SRMS: variants seen among roughly 807,000 people sequenced by gnomAD.
SRMS encodes the protein src-related kinase lacking C-terminal regulatory tyrosine and N-terminal myristylation sites, also known as tyrosine-protein kinase Srms.
SRMS carries 42 observed loss-of-function variants against 43.5 expected under a neutral mutation model. The ratio of observed to expected loss-of-function variants is 0.97; its 90% CI spans 0.75 to 1.25. The LOEUF is 1.25. Ranked by LOEUF, SRMS falls within the 50% of genes most tolerant of loss-of-function variation. SRMS has a pLI of 0.00. For synonymous variants in SRMS, 316 were observed against 308.2 expected (o/e 1.03, Z -0.27); for missense variants, 703 against 681.0 (o/e 1.03, Z -0.36).
At chr20:63,543,958 G>GATGAATGGATGAATGA (rs2082717494) in intron 2 of SRMS, among the ~76,000 whole-genome samples, 1 of 143,212 alleles carries the variant, frequency 7.0e-6, no homozygotes, top group Admixed American at 7.2e-5. Context: ...GAGTGAATGA[G>GATGAATGGATGAATGA]ATGAATGGAT....
intron 2 of SRMS, 141 bp downstream of exon 2, chr20:63,544,086 G>A (rs1195613476): frequency 2.0e-6 from 2 of 1,011,916 alleles, no homozygotes; most frequent in Non-Finnish European, 2.6e-6. Flanking sequence ...AAGTGCAGGA[G>A]GTGACCAGCA....
rs1555886442 is a variant in SRMS at position 63,538,721 on chromosome 20, T to TGGGGGGGGGGGGGGGGGGGGGG, written c.*2096_*2097insCCCCCCCCCCCCCCCCCCCCCC. On this transcript the variant is annotated 3_prime_UTR_variant, in exon 8 of 8. Transcript: ENST00000217188. ...GTTGGGGAGGATGCAGGGGGAGGGG[T>TGGGGGGGGGGGGGGGGGGGGGG]GGGGGGTGGGGAATGCGGAAGGAGG... is the stretch of plus-strand genomic sequence containing the variant. Among the ~76,000 whole-genome samples the TGGGGGGGGGGGGGGGGGGGGGG allele has an allele frequency of 4.2e-5, 1 of 23,932 alleles. No individual in the cohort carries two copies. Among genetic ancestry groups the TGGGGGGGGGGGGGGGGGGGGGG allele is most frequent in the Non-Finnish European group, 8.4e-5 (1 of 11,908 alleles). The allele number at this position is 23,932 out of a possible 152,430, so 15.7% of individuals were successfully genotyped here. A position where few individuals can be genotyped will look rare whatever the true frequency, so the allele number is the denominator to read the frequency against.
intron 2 of SRMS, 83 bp from the exon 3 acceptor site, chr20:63,543,563 C>T: frequency 6.6e-7 from 1 of 1,507,032 alleles, no homozygotes; most frequent in Non-Finnish European, 9.0e-7. Flanking sequence ...CTGGCCACAA[C>T]CCACTAAGGG....
chr20:63,547,115 C>T lies in SRMS; in HGVS notation c.349G>A (p.Asp117Asn), dbSNP rs2082736146. Residue 117 changes from aspartate (D) to asparagine (N), a missense_variant, in exon 1 of 8, where the codon GAC (aspartate) becomes AAC (asparagine). Asp to Asn is a conservative substitution (Grantham distance 23). Coordinates refer to ENST00000217188, the MANE Select transcript of SRMS (RefSeq NM_080823.4). ...VAKASPETLS[D>N]QPWYFSGVSR... ...CGAGGCCGAGGTACTCACGGTTGGT[C>T]TGAGAGCGTCTCAGGAGAAGCCTTG... 1 of 1,580,936 alleles carries T rather than the reference C, an allele frequency of 6.3e-7. No homozygotes were observed. The highest frequency in any genetic ancestry group is 8.6e-7 in the Non-Finnish European group (1 of 1,160,686).
Position 63,539,291 on chromosome 20 carries a change from G to A in SRMS, c.*1527C>T, listed in dbSNP as rs1005427104. ...GATGCACGGGCCCCAGGAAGCCCCC[G>A]CGCTGCCTCCGTTCTCGGAGCCTCC... On this transcript the variant is annotated 3_prime_UTR_variant, in exon 8 of 8. Coordinates refer to ENST00000217188, the MANE Select transcript of SRMS (RefSeq NM_080823.4). Among the ~76,000 whole-genome samples, 1 of 152,180 alleles carries A rather than the reference G, an allele frequency of 6.6e-6. No individual in the cohort carries two copies. Among genetic ancestry groups the A allele is most frequent in the African/African-American group, 2.4e-5 (1 of 41,430 alleles).
intron 2 of SRMS, 105 bp from the exon 3 acceptor site, chr20:63,543,585 A>T: frequency 7.3e-7 from 1 of 1,375,544 alleles, no homozygotes; most frequent in Non-Finnish European, 9.9e-7. Flanking sequence ...TCTGGCTCAG[A>T]CCTAGCTGGG....
Position 63,541,222 on chromosome 20 carries a change from C to G in SRMS, c.1254G>C (p.Glu418Asp), listed in dbSNP as rs777609424. 3 of 1,564,802 alleles carry G rather than the reference C, an allele frequency of 1.9e-6. No homozygotes were observed. The African/African-American group carries it at 4.1e-5, about 22-fold the overall frequency. The stretch of plus-strand genomic sequence containing the variant: ...AGGGACACTGGCCATAGGTGAAAAC[C>G]TCGTGCAGCAGGACGCCGAAGGACC... ...DVWSFGVLLH[E>D]VFTYGQCPYE... Residue 418 changes from glutamate (E) to aspartate (D), a missense_variant, in exon 7 of 8, where the codon GAG (glutamate) becomes GAC (aspartate). Glu to Asp is a conservative substitution (Grantham distance 45, BLOSUM62 2). Coordinates refer to ENST00000217188, the MANE Select transcript of SRMS (RefSeq NM_080823.4).
chr20:63,545,797 T>G (rs1435529968), intron 1 of SRMS, among the ~76,000 whole-genome samples: 3 of 152,104 alleles, frequency 2.0e-5, no homozygotes, highest in Non-Finnish European at 1.5e-5. Context: ...TTCTGGGGTC[T>G]GCTGGCAGGG....
intron 1 of SRMS, among the ~76,000 whole-genome samples, chr20:63,545,264 A>C (rs2082725271): frequency 1.3e-5 from 2 of 152,160 alleles, no homozygotes; most frequent in African/African-American, 4.8e-5. Flanking sequence ...CCCCGTCTGC[A>C]TAACTCTGCT....
In SRMS at chr20:63,539,284, A is replaced by G. The variant is rs1385964956; in HGVS notation, c.*1534T>C. ...TTCCTCCGATGCACGGGCCCCAGGA[A>G]GCCCCCGCGCTGCCTCCGTTCTCGG... On this transcript the variant is annotated 3_prime_UTR_variant, in exon 8 of 8. Coordinates refer to ENST00000217188, the MANE Select transcript of SRMS (RefSeq NM_080823.4). Among the ~76,000 whole-genome samples, 1 of 152,154 alleles carries G rather than the reference A, an allele frequency of 6.6e-6. No homozygotes were observed. Among genetic ancestry groups the G allele is most frequent in the African/African-American group, 2.4e-5 (1 of 41,442 alleles).
At chr20:63,546,272 G>C (rs1054608860) in intron 1 of SRMS, among the ~76,000 whole-genome samples, 1 of 151,376 alleles carries the variant, frequency 6.6e-6, no homozygotes, top group African/African-American at 2.4e-5. Flanking sequence ...CCCTTCCTGT[G>C]ACTCCGGCTT....
chr20:63,545,315 C>T (rs1024296193), intron 1 of SRMS, among the ~76,000 whole-genome samples: 2 of 152,214 alleles, frequency 1.3e-5, no homozygotes, highest in African/African-American at 4.8e-5. Context: ...GACTCAGCTT[C>T]CCACCCTGGA....
Position 63,538,500 on chromosome 20 carries a change from A to C in SRMS, c.*2318T>G, listed in dbSNP as rs1325029608. Among the ~76,000 whole-genome samples, 1 of 152,154 alleles carries C rather than the reference A, an allele frequency of 6.6e-6. No individual in the cohort carries two copies. Among genetic ancestry groups the C allele is most frequent in the Non-Finnish European group, 1.5e-5 (1 of 68,026 alleles). The stretch of plus-strand genomic sequence containing the variant: ...GAAAGTCCCTAAACTGCGTATTTCA[A>C]CTTTTATTTTTATTGCAAAGAGAAA... On this transcript the variant is annotated 3_prime_UTR_variant, in exon 8 of 8. Coordinates refer to ENST00000217188, the MANE Select transcript of SRMS (RefSeq NM_080823.4).
chr20:63,544,111 C>G, intron 2 of SRMS, 116 bp downstream of exon 2: 1 of 1,246,720 alleles, frequency 8.0e-7, no homozygotes, highest in Non-Finnish European at 1.0e-6. Flanking sequence ...TGCTGTTGGG[C>G]CCTCAGTGGC....
At chr20:63,541,657 GCCAACGGCCGGTGAGGCCAGCGTCCACC>G (rs2082704634) in intron 5 of SRMS, 37 bp from the exon 6 acceptor site, 1 of 1,468,432 alleles carries the variant, frequency 6.8e-7, no homozygotes, top group African/African-American at 1.4e-5. Context: ...AGGGCACGGG[GCCAACGGCCGGTGAGGCCAGCGTCCACC>G]CACGTCACCT....
rs867086047 is a variant in SRMS at position 63,541,518 on chromosome 20, T to G, written c.1049A>C (p.Asp350Ala). ...YLEEQRVVHR[D>A]LAARNVLVDD... ...CACGAGCACGTTCCGGGCGGCCAAG[T>G]CCCGGTGCACAACGCGCTGCTCCTC... is the stretch of plus-strand genomic sequence containing the variant. Residue 350 changes from aspartate (D) to alanine (A), a missense_variant, in exon 6 of 8, where the codon GAC becomes GCC. Asp to Ala is a moderately radical substitution (Grantham distance 126). Transcript: ENST00000217188. The G allele has an allele frequency of 2.5e-6, 4 of 1,605,306 alleles. No individual in the cohort carries two copies. The highest frequency in any genetic ancestry group is 1.3e-5 in the African/African-American group (1 of 74,884).
rs1411114270 is a variant in SRMS at position 63,547,337 on chromosome 20, TG to T, written c.126del (p.Thr43ArgfsTer28). The T allele has an allele frequency of 6.3e-7, 1 of 1,589,930 alleles. No homozygotes were observed. The highest frequency in any genetic ancestry group is 1.1e-5 in the South Asian group (1 of 89,216). On this transcript the variant is annotated frameshift_variant, in exon 1 of 8. Coordinates refer to ENST00000217188, the MANE Select transcript of SRMS (RefSeq NM_080823.4). LOFTEE classifies it high-confidence loss of function. ...GSLDPNTDPV[P>X]TLPAEPCSPF... is the part of the protein sequence containing the mutation. ...GGGCTGCAAGGCTCGGCGGGGAGCGTGGGCACTGGGTCAGTGTTGGGGTCCA... is the reference window on the plus strand; with the variant it reads ...GGGCTGCAAGGCTCGGCGGGGAGCGTGGCACTGGGTCAGTGTTGGGGTCCA...
Position 63,547,243 on chromosome 20 carries a change from C to A in SRMS, c.221G>T (p.Arg74Leu), listed in dbSNP as rs369623807. The A allele has an allele frequency of 2.5e-6, 4 of 1,610,374 alleles. No individual in the cohort carries two copies. Among genetic ancestry groups the A allele is most frequent in the African/African-American group, 1.3e-5 (1 of 74,872 alleles). Residue 74 changes from arginine to leucine, a missense_variant, in exon 1 of 8, where the codon CGC (arginine) becomes CTC (leucine). Transcript: ENST00000217188. ...ARCGGELSVRRGDRLCALEEG... is the reference protein window; with the variant it reads ...ARCGGELSVRLGDRLCALEEG... Reference sequence around the variant, plus strand: ...TTCGAGGGCACAGAGCCTGTCCCCGCGGCGGACACTCAGCTCCCCGCCACA... The same window carrying A: ...TTCGAGGGCACAGAGCCTGTCCCCGAGGCGGACACTCAGCTCCCCGCCACA...
In SRMS at chr20:63,540,240, C is replaced by A. The variant is rs2145981693; in HGVS notation, c.*578G>T. On this transcript the variant is annotated 3_prime_UTR_variant, in exon 8 of 8. Transcript: ENST00000217188. ...GGGCAGGTGACGGTGCCACCCCGTG[C>A]CTACATACCACACATCCAGTGGGGT... Among the ~76,000 whole-genome samples, 1 of 152,324 alleles carries A rather than the reference C, an allele frequency of 6.6e-6. No individual in the cohort carries two copies. Among genetic ancestry groups the A allele is most frequent in the Admixed American group, 6.5e-5 (1 of 15,304 alleles).
Sources: gnomAD v4.1 joint callset for allele counts (sites outside exome capture counted in the v4.1 genomes callset) on GRCh38, gnomAD v4.1.1 for gene constraint, MANE v1.5 for transcripts, NCBI Gene and HGNC (gene_info 2026-07-23, HGNC 2026-07-21) for gene names.